ANO6: variants seen among roughly 807,000 people sequenced by gnomAD.
ANO6 encodes anoctamin 6.
Under a neutral mutation model 117.5 loss-of-function variants are expected in ANO6, and 106 were observed. That is an observed-to-expected ratio of 0.90 (90% CI 0.77 to 1.06). The LOEUF is 1.06. Ranked by LOEUF, ANO6 falls within the 50% of genes least tolerant of loss-of-function variation. The pLI is 0.00. For missense variants in ANO6, 955 were observed against 1,121.1 expected (o/e 0.85, Z 2.12); for synonymous variants, 367 against 385.1 (o/e 0.95, Z 0.55).
chr12:45,399,281 C>T (rs775226300), intron 12 of ANO6, among the ~76,000 whole-genome samples: 2 of 152,158 alleles, frequency 1.3e-5, no homozygotes, highest in African/African-American at 2.4e-5. Flanking sequence ...CTGCAACCTC[C>T]GCCTCCCGCG....
intron 12 of ANO6, 90 bp downstream of exon 12, chr12:45,390,588 A>G: frequency 8.7e-7 from 1 of 1,146,024 alleles, no homozygotes; most frequent in South Asian, 1.3e-5. Context: ...ATGTTGAGGA[A>G]ACTAAATGCT....
rs756174535 is a variant in ANO6 at position 45,390,517 on chromosome 12, T to A, written c.1386+19T>A. ...TTTCTGGGTAATTCTATCACAAAAA[T>A]GTTTTGAATGATTAAAAATGTTTTT... is the stretch of plus-strand genomic sequence containing the variant. On this transcript the variant is annotated intron_variant, in intron 12 of 19. Transcript: ENST00000320560. The A allele has an allele frequency of 6.3e-7, 1 of 1,599,336 alleles. No individual in the cohort carries two copies. Among genetic ancestry groups the A allele is most frequent in the African/African-American group, 1.3e-5 (1 of 74,610 alleles).
chr12:45,393,077 G>A (rs559583110), intron 12 of ANO6, among the ~76,000 whole-genome samples: 11 of 152,280 alleles, frequency 7.2e-5, no homozygotes, highest in South Asian at 2.1e-4. Context: ...CTAACCCATC[G>A]CAAGGAAGCT....
At chr12:45,222,179 C>T (rs1565628774) in intron 1 of ANO6, among the ~76,000 whole-genome samples, 3 of 145,552 alleles carry the variant, frequency 2.1e-5, no homozygotes, top group Middle Eastern at 4.1e-3. Flanking sequence ...CCACGCCCGG[C>T]CCCCCCACTC....
chr12:45,393,009 A>C (rs1942497750), intron 12 of ANO6, among the ~76,000 whole-genome samples: 1 of 152,256 alleles, frequency 6.6e-6, no homozygotes. Context: ...ACAAGTTGAC[A>C]GAAGTAGGCT....
chr12:45,222,117 G>A (rs903370172), intron 1 of ANO6, among the ~76,000 whole-genome samples: 1 of 151,038 alleles, frequency 6.6e-6, no homozygotes, highest in Non-Finnish European at 1.5e-5. Flanking sequence ...TCCTGACCTC[G>A]TGATCCGCCT....
At chr12:45,353,506 T>TA (rs1409621997) in intron 7 of ANO6, among the ~76,000 whole-genome samples, 2 of 152,214 alleles carry the variant, frequency 1.3e-5, no homozygotes, top group African/African-American at 4.8e-5. Context: ...TCCCAACTAT[T>TA]TTAAATATAT....
At chr12:45,390,332 A>G in intron 11 of ANO6, 89 bp from the exon 12 acceptor site, 2 of 1,091,748 alleles carry the variant, frequency 1.8e-6, no homozygotes, top group Admixed American at 1.8e-5. Flanking sequence ...TTTTAAAATT[A>G]ATTCTAAGAT....
At chr12:45,331,823 G>T (rs555792056) in intron 3 of ANO6, among the ~76,000 whole-genome samples, 1 of 152,034 alleles carries the variant, frequency 6.6e-6, no homozygotes, top group South Asian at 2.1e-4. Flanking sequence ...ATTTGCATAC[G>T]TGTTCTCCTT....
chr12:45,311,514 G>A (rs1412651244), intron 2 of ANO6, among the ~76,000 whole-genome samples: 1 of 152,036 alleles, frequency 6.6e-6, no homozygotes, highest in Admixed American at 6.6e-5. Context: ...TATTGAGAGG[G>A]AATGATCAGC....
At chr12:45,269,994 T>C (rs1423087493) in intron 1 of ANO6, among the ~76,000 whole-genome samples, 1 of 152,108 alleles carries the variant, frequency 6.6e-6, no homozygotes, top group Non-Finnish European at 1.5e-5. Flanking sequence ...CCTCCAGAGA[T>C]CTGGTTTAAT....
chr12:45,413,196 T>C (rs11612531), intron 16 of ANO6, among the ~76,000 whole-genome samples: 24,050 of 152,090 alleles, frequency 0.16, 2,716 homozygotes, highest in East Asian at 0.45. Context: ...TTGGATGAGA[T>C]TCGTGGTGGG....
At chr12:45,263,200 C>T (rs1046171892) in intron 1 of ANO6, among the ~76,000 whole-genome samples, 1 of 151,646 alleles carries the variant, frequency 6.6e-6, no homozygotes, top group South Asian at 2.1e-4. Flanking sequence ...TAACAGGGGC[C>T]GGTACAAGAT....
At chr12:45,393,331 AAT>A (rs1942509862) in intron 12 of ANO6, among the ~76,000 whole-genome samples, 1 of 152,222 alleles carries the variant, frequency 6.6e-6, no homozygotes, top group South Asian at 2.1e-4. Context: ...GCCTCCAAGA[AAT>A]ATGGGACTAT....
Position 45,350,753 on chromosome 12 carries a change from A to G in ANO6, c.842A>G (p.Lys281Arg), listed in dbSNP as rs1323483609. Reference sequence around the variant, plus strand: ...GCTCATCCTCGAAGCATATACAAAAAGCAGCCCTTGGATCTTATCAGGTGA... The same window carrying G: ...GCTCATCCTCGAAGCATATACAAAAGGCAGCCCTTGGATCTTATCAGGTGA... ...EWAHPRSIYK[K>R]QPLDLIRKYY... is the part of the protein sequence containing the mutation. Residue 281 changes from lysine to arginine, a missense_variant, in exon 7 of 20, where the codon AAG becomes AGG. By Grantham distance (26) the Lys-to-Arg change is conservative. Coordinates refer to ENST00000320560, the MANE Select transcript of ANO6 (RefSeq NM_001025356.3). 5.0e-6 allele frequency: 8 copies of G among 1,613,638 alleles called. No homozygotes were observed. The highest frequency in any genetic ancestry group is 5.9e-6 in the Non-Finnish European group (7 of 1,179,704).
intron 9 of ANO6, among the ~76,000 whole-genome samples, chr12:45,372,086 C>G (rs1284968560): frequency 2.1e-5 from 3 of 142,412 alleles, no homozygotes; most frequent in Admixed American, 2.0e-4. Flanking sequence ...GGAGCTGATG[C>G]GATCAACTGG....
chr12:45,305,333 G>A (rs2137316106), intron 2 of ANO6, among the ~76,000 whole-genome samples: 1 of 152,296 alleles, frequency 6.6e-6, no homozygotes, highest in East Asian at 1.9e-4. Context: ...TTTTGTTTAA[G>A]CACAATGAAA....
chr12:45,431,927 A>G lies in ANO6; in HGVS notation c.*2616A>G. 1 of 985,414 alleles carries G rather than the reference A, an allele frequency of 1.0e-6. No homozygotes were observed. Among genetic ancestry groups the G allele is most frequent in the South Asian group, 4.7e-5 (1 of 21,294 alleles). 61.0% of individuals were successfully genotyped at this position (985,414 alleles called of 1,614,324 possible). A position where few individuals can be genotyped will look rare whatever the true frequency, so the allele number is the denominator to read the frequency against. On this transcript the variant is annotated 3_prime_UTR_variant, in exon 20 of 20. Coordinates refer to ENST00000320560, the MANE Select transcript of ANO6 (RefSeq NM_001025356.3). ...AAATACTCAGGGGATTTTTCATTAA[A>G]CATCCCTCAGATAATTTAGCTATAT... is the stretch of plus-strand genomic sequence containing the variant.
At chr12:45,329,638 T>C (rs1420043823) in intron 2 of ANO6, among the ~76,000 whole-genome samples, 4 of 152,160 alleles carry the variant, frequency 2.6e-5, no homozygotes. Flanking sequence ...GGCAACAGAA[T>C]GTGGGCTACA....
Sources: gnomAD v4.1 joint callset for allele counts (sites outside exome capture counted in the v4.1 genomes callset) on GRCh38, gnomAD v4.1.1 for gene constraint, MANE v1.5 for transcripts, NCBI Gene and HGNC (gene_info 2026-07-23, HGNC 2026-07-21) for gene names.